Variants in HOMER2 observed in about 807,000 individuals in gnomAD.
HOMER2 encodes homer scaffold protein 2.
A neutral mutation model predicts 47.0 loss-of-function variants in HOMER2; 27 were observed. The ratio of observed to expected loss-of-function variants is 0.57; its 90% confidence interval spans 0.42 to 0.79. The LOEUF is 0.79. Ranked by LOEUF, HOMER2 falls within the 30% of genes least tolerant of loss-of-function variation. The pLI is 0.00. For missense variants in HOMER2, 443 were observed against 435.0 expected, an observed-to-expected ratio of 1.02 and a Z score of -0.16; for synonymous variants, 161 against 163.8, an observed-to-expected ratio of 0.98 and a Z score of 0.13.
At chr15:82,969,621 C>A (rs2029916233) in intron 1 of HOMER2, among the ~76,000 whole-genome samples, 1 of 152,104 alleles carries the variant, frequency 6.6e-6, no homozygotes, top group African/African-American at 2.4e-5. Context: ...GATCCAGGAA[C>A]TAAAGCTACA....
chr15:82,941,422 G>A (rs886956117), intron 1 of HOMER2, among the ~76,000 whole-genome samples: 11 of 132,288 alleles, frequency 8.3e-5, no homozygotes, highest in Non-Finnish European at 1.7e-4. Flanking sequence ...TAGCCTGGGC[G>A]ACAGAGTGAG....
chr15:82,911,175 T>C (rs1032344677), intron 1 of HOMER2, among the ~76,000 whole-genome samples: 1 of 152,228 alleles, frequency 6.6e-6, no homozygotes, highest in African/African-American at 2.4e-5. Flanking sequence ...TCTCTCTCCC[T>C]ATTACCATCA....
chr15:82,896,499 T>C lies in HOMER2; in HGVS notation c.6-3658A>G. Among the ~76,000 whole-genome samples the C allele has an allele frequency of 1.3e-5, 2 of 152,152 alleles. 1 individual carries two copies. ...CCCCCAAGTAGAAATGCAACGATGT[T>C]GGAAGAACACAATGGCTCACCTGGC... On this transcript the variant is annotated intron_variant, in intron 1 of 8. Transcript: ENST00000450735.
At chr15:82,840,050 T>TA (rs1209326090) in exon 2 of HOMER2, 1 of 151,878 alleles carries the variant, frequency 6.6e-6, no homozygotes, top group Non-Finnish European at 1.5e-5. Flanking sequence ...CAGTAAAAAA[T>TA]AAAGTCAAAT....
At chr15:82,894,722 A>G (rs1035735515) in intron 1 of HOMER2, among the ~76,000 whole-genome samples, 5 of 152,008 alleles carry the variant, frequency 3.3e-5, no homozygotes, top group African/African-American at 1.2e-4. Flanking sequence ...TACAGATTTA[A>G]TAAGTACTTA....
intron 1 of HOMER2, among the ~76,000 whole-genome samples, chr15:82,916,937 G>C (rs983958191): frequency 6.6e-6 from 1 of 152,166 alleles, no homozygotes; most frequent in African/African-American, 2.4e-5. Context: ...GAGTAGCTGG[G>C]ATTACAGGCG....
At chr15:82,895,572 A>C (rs940688456) in intron 1 of HOMER2, among the ~76,000 whole-genome samples, 1 of 152,266 alleles carries the variant, frequency 6.6e-6, no homozygotes, top group African/African-American at 2.4e-5. Context: ...GAAAGGAAGG[A>C]GCAATTTAAA....
In HOMER2 at chr15:82,973,035, C is replaced by G. The variant is rs535858855; in HGVS notation, n.82+12752G>C. ...CATTTATATCTTGCACTGCTCTACTCCAGCTTCAGGAATAAGTCAAAGTAA... is the reference window on the plus strand; with the variant it reads ...CATTTATATCTTGCACTGCTCTACTGCAGCTTCAGGAATAAGTCAAAGTAA... On this transcript the variant is annotated intron_variant and non_coding_transcript_variant, in intron 1 of 1. Transcript: ENST00000500334. Among the ~76,000 whole-genome samples the G allele has an allele frequency of 4.4e-4, 67 of 152,286 alleles. No homozygotes were observed. The South Asian group carries it at 0.013, about 31-fold the overall frequency.
At chr15:82,905,444 A>G (rs1335219811) in intron 1 of HOMER2, among the ~76,000 whole-genome samples, 1 of 152,188 alleles carries the variant, frequency 6.6e-6, no homozygotes, top group Non-Finnish European at 1.5e-5. Context: ...AATGTCAGAC[A>G]CCAAACCACA....
intron 1 of HOMER2, among the ~76,000 whole-genome samples, chr15:82,961,419 CT>C (rs2054629319): frequency 6.6e-6 from 1 of 152,258 alleles, no homozygotes; most frequent in Non-Finnish European, 1.5e-5. Flanking sequence ...TTATTGTTCT[CT>C]TGGCACATGC....
At chr15:82,974,052 C>T (rs1054828277) in intron 1 of HOMER2, among the ~76,000 whole-genome samples, 1 of 151,850 alleles carries the variant, frequency 6.6e-6, no homozygotes, top group African/African-American at 2.4e-5. Flanking sequence ...GCACAGAGAT[C>T]GTGCCACTGC....
Position 82,907,420 on chromosome 15 carries a change from AG to A in HOMER2, c.6-14580del, listed in dbSNP as rs796515569. Among the ~76,000 whole-genome samples, 350 of 151,204 alleles carry A rather than the reference AG, an allele frequency of 2.3e-3. 2 individuals carry two copies. Among genetic ancestry groups the A allele is most frequent in the African/African-American group, 7.8e-3 (318 of 40,876 alleles). On this transcript the variant is annotated intron_variant, in intron 1 of 8. Coordinates refer to ENST00000450735, the MANE Select transcript of HOMER2 (RefSeq NM_004839.4). ...AAGAGAAAGAGAAGGAAAGAAAGAAAGAAAGAGAAGGAAAGAAAGAAAGAAA... is the reference window on the plus strand; with the variant it reads ...AAGAGAAAGAGAAGGAAAGAAAGAAAAAAGAGAAGGAAAGAAAGAAAGAAA...
chr15:82,868,543 T>TATATATATATATATATATATATGTA (rs1567023464), intron 3 of HOMER2, among the ~76,000 whole-genome samples: 2 of 36,832 alleles, frequency 5.4e-5, no homozygotes, highest in African/African-American at 9.0e-5. Context: ...ATATATATAT[T>TATATATATATATATATATATATGTA]TTTTTTTTTT....
intron 1 of HOMER2, among the ~76,000 whole-genome samples, chr15:82,905,790 T>C (rs954006520): frequency 6.6e-6 from 1 of 152,112 alleles, no homozygotes; most frequent in Non-Finnish European, 1.5e-5. Context: ...TTGTTGCCAA[T>C]AGACCTGCCT....
intron 1 of HOMER2, chr15:82,952,009 C>A: frequency 3.1e-6 from 3 of 979,832 alleles, no homozygotes; most frequent in Non-Finnish European, 2.4e-6. Context: ...TGAAGCCTCA[C>A]CTAGGTTCCT....
At chr15:82,905,964 T>A (rs1055315222) in intron 1 of HOMER2, among the ~76,000 whole-genome samples, 13 of 152,208 alleles carry the variant, frequency 8.5e-5, no homozygotes, top group African/African-American at 3.1e-4. Context: ...CAAAATAATA[T>A]ATTCGAATAT....
chr15:82,873,501 C>G (rs2052243798), intron 3 of HOMER2, among the ~76,000 whole-genome samples: 1 of 152,232 alleles, frequency 6.6e-6, no homozygotes, highest in African/African-American at 2.4e-5. Flanking sequence ...CCTTGCAGAA[C>G]TGTGCTGCAC....
At chr15:82,872,159 C>T (rs1596315524) in intron 3 of HOMER2, among the ~76,000 whole-genome samples, 1 of 152,174 alleles carries the variant, frequency 6.6e-6, no homozygotes, top group East Asian at 1.9e-4. Flanking sequence ...CCAAGGACCA[C>T]TTCAGGAGGG....
At chr15:82,915,631 G>C (rs543257143) in intron 1 of HOMER2, among the ~76,000 whole-genome samples, 1 of 152,320 alleles carries the variant, frequency 6.6e-6, no homozygotes, top group East Asian at 1.9e-4. Context: ...AGGATTGCCT[G>C]GGCCTGGGAG....
Sources: gnomAD v4.1 joint callset for allele counts (sites outside exome capture counted in the v4.1 genomes callset) on GRCh38, gnomAD v4.1.1 for gene constraint, MANE v1.5 for transcripts, NCBI Gene and HGNC (gene_info 2026-07-23, HGNC 2026-07-21) for gene names.